The following GPAM variants were observed in gnomAD, a reference collection of about 807,000 sequenced individuals.
The protein encoded by GPAM is glycerol-3-phosphate acyltransferase 1, mitochondrial.
GPAM carries 56 observed loss-of-function variants against 105.0 expected under a neutral mutation model. That is an observed-to-expected ratio of 0.53 (90% confidence interval 0.43 to 0.67). The LOEUF is 0.67. Ranked by LOEUF, GPAM falls within the 30% of genes least tolerant of loss-of-function variation. The pLI is 0.00. For missense variants in GPAM, 855 were observed against 989.8 expected (o/e 0.86, Z 1.83); for synonymous variants, 368 against 354.4 (o/e 1.04, Z -0.43).
At position 112,183,204 on chromosome 10, in the gene GPAM, G is replaced by C. The variant is rs545468863; in HGVS notation, c.-127-313C>G. 2.0e-5 allele frequency among the ~76,000 whole-genome samples: 3 copies of C among 152,340 alleles called. No homozygotes were observed. The East Asian group carries it at 5.8e-4, about 29-fold the overall frequency. The stretch of plus-strand genomic sequence containing the variant: ...AGTTTTCCCATCTGGAAAATGGGCA[G>C]AATGATAGCTCTTAACCTCCTGGAT... On this transcript the variant is annotated intron_variant, in intron 1 of 21. Transcript: ENST00000348367.
At chr10:112,154,258 C>A in intron 21 of GPAM, 1 of 297,586 alleles carries the variant, frequency 3.4e-6, no homozygotes, top group Non-Finnish European at 6.3e-6. Context: ...ACCTGTAAGT[C>A]TAATGCACAT....
rs566552458 is a variant in GPAM at position 112,215,117 on chromosome 10, A to G, written n.210+51T>C. 2.0e-5 allele frequency: 3 copies of G among 152,146 alleles called. No homozygotes were observed. The East Asian group carries it at 5.8e-4, about 29-fold the overall frequency. The allele number at this position is 152,146 out of a possible 1,614,324, so 9.4% of individuals were successfully genotyped here. A position where few individuals can be genotyped will look rare whatever the true frequency, so the allele number is the denominator to read the frequency against. ...CTTCCTCGTCCTACCCCCGTGTCTC[A>G]TGTCATGACATCCTAAGAAATTACT... On this transcript the variant is annotated intron_variant and non_coding_transcript_variant, in intron 1 of 3. Transcript: ENST00000480130.
At chr10:112,177,853 T>C (rs1343173611) in intron 5 of GPAM, 131 bp downstream of exon 5, 1 of 624,692 alleles carries the variant, frequency 1.6e-6, no homozygotes, top group African/African-American at 1.9e-5. Context: ...TCAGATAATC[T>C]CTCTTGTGTC....
intron 1 of GPAM, among the ~76,000 whole-genome samples, chr10:112,190,771 C>T (rs1429209363): frequency 6.6e-6 from 1 of 152,122 alleles, no homozygotes; most frequent in East Asian, 1.9e-4. Flanking sequence ...TTTATGAAAT[C>T]ATACTTCAGA....
rs149509002 is a variant in GPAM at position 112,150,416 on chromosome 10, C to G, written c.*3134G>C. The G allele has an allele frequency of 8.1e-6, 8 of 985,768 alleles. No homozygotes were observed. The highest frequency in any genetic ancestry group is 9.6e-6 in the Non-Finnish European group (8 of 829,880). 61.1% of individuals were successfully genotyped at this position (985,768 alleles called of 1,614,324 possible). On this transcript the variant is annotated 3_prime_UTR_variant, in exon 22 of 22. Coordinates refer to ENST00000348367, the MANE Select transcript of GPAM (RefSeq NM_001244949.2). ...TTCTCTCTATCAAAGGAAAGAGCTC[C>G]GATCACCTACATTATAATTTTCTGT...
In GPAM at chr10:112,152,612, C is replaced by T. The variant is rs1023365217; in HGVS notation, c.*938G>A. ...CTGTGGCCAGAGAACTGTATTCTAACAGTCTGTCAGCTCAAGCTAATCAAG... is the reference window on the plus strand; with the variant it reads ...CTGTGGCCAGAGAACTGTATTCTAATAGTCTGTCAGCTCAAGCTAATCAAG... On this transcript the variant is annotated 3_prime_UTR_variant, in exon 22 of 22. Transcript: ENST00000348367. 51 of 985,422 alleles carry T rather than the reference C, an allele frequency of 5.2e-5. No individual in the cohort carries two copies. In the African/African-American group the frequency reaches 8.7e-4, roughly 17 times the overall value. 61.0% of individuals were successfully genotyped at this position (985,422 alleles called of 1,614,324 possible). A position where few individuals can be genotyped will look rare whatever the true frequency, so the allele number is the denominator to read the frequency against.
At chr10:112,163,989 T>C (rs1847170845) in intron 13 of GPAM, among the ~76,000 whole-genome samples, 173 bp from the exon 14 acceptor site, 1 of 152,218 alleles carries the variant, frequency 6.6e-6, no homozygotes, top group Non-Finnish European at 1.5e-5. Context: ...CATTATGGCC[T>C]GGCCAAAACA....
At chr10:112,184,019 C>T (rs1847559260), upstream of GPAM, among the ~76,000 whole-genome samples, 1 of 152,166 alleles carries the variant, frequency 6.6e-6, no homozygotes, top group South Asian at 2.1e-4. Flanking sequence ...TCAGCTTATC[C>T]GGGAGCTTGT....
intron 7 of GPAM, among the ~76,000 whole-genome samples, chr10:112,173,339 C>A (rs1033216726): frequency 2.0e-5 from 3 of 152,080 alleles, no homozygotes; most frequent in South Asian, 2.1e-4. Context: ...ACTGCAGAAG[C>A]AAATGACCAA....
At position 112,152,614 on chromosome 10, in the gene GPAM, GT is replaced by G; in HGVS notation, c.*935del. 1 of 985,370 alleles carries G rather than the reference GT, an allele frequency of 1.0e-6. No individual in the cohort carries two copies. Among genetic ancestry groups the G allele is most frequent in the Non-Finnish European group, 1.2e-6 (1 of 829,878 alleles). 61.0% of individuals were successfully genotyped at this position (985,370 alleles called of 1,614,324 possible). A position where few individuals can be genotyped will look rare whatever the true frequency, so the allele number is the denominator to read the frequency against. ...GTGGCCAGAGAACTGTATTCTAACA[GT>G]CTGTCAGCTCAAGCTAATCAAGTTA... On this transcript the variant is annotated 3_prime_UTR_variant, in exon 22 of 22. Coordinates refer to ENST00000348367, the MANE Select transcript of GPAM (RefSeq NM_001244949.2).
intron 10 of GPAM, 125 bp downstream of exon 10, chr10:112,168,728 C>T: frequency 5.1e-6 from 4 of 776,796 alleles, no homozygotes; most frequent in Non-Finnish European, 6.8e-6. Context: ...TTACCAAACT[C>T]AAGCAATAAT....
At chr10:112,158,279 A>T in intron 18 of GPAM, 37 bp downstream of exon 18, 1 of 1,154,970 alleles carries the variant, frequency 8.7e-7, no homozygotes, top group Admixed American at 1.7e-5. Flanking sequence ...ATGAAGAGTA[A>T]GTATAAAGAC....
In GPAM at chr10:112,160,619, T is replaced by C. The variant is rs751375609; in HGVS notation, c.1744A>G (p.Met582Val). 3.7e-6 allele frequency: 6 copies of C among 1,613,368 alleles called. No homozygotes were observed. The Admixed American group carries it at 8.3e-5, about 22-fold the overall frequency. ...YSNGVLHVFI[M>V]EAIIACSLYA... ...TCTGACATACCTATGATGGCCTCCA[T>C]GATAAAGACATGAAGTACCCCATTG... is the stretch of plus-strand genomic sequence containing the variant. The change falls in exon 16 of 22, where the codon ATG (methionine) becomes GTG (valine). Residue 582 changes from methionine (M) to valine (V), a missense_variant. Physicochemically the swap from Met to Val is conservative, Grantham distance 21 (BLOSUM62 1). Coordinates refer to ENST00000348367, the MANE Select transcript of GPAM (RefSeq NM_001244949.2).
Position 112,152,644 on chromosome 10 carries a change from A to G in GPAM, c.*906T>C, listed in dbSNP as rs970995784. The G allele has an allele frequency of 1.0e-6, 1 of 985,400 alleles. No individual in the cohort carries two copies. Among genetic ancestry groups the G allele is most frequent in the Non-Finnish European group, 1.2e-6 (1 of 829,880 alleles). 61.0% of individuals were successfully genotyped at this position (985,400 alleles called of 1,614,324 possible). ...TCAGCTCAAGCTAATCAAGTTAGGA[A>G]AACTGCTATTTGGTTGGAGGATTTC... is the stretch of plus-strand genomic sequence containing the variant. On this transcript the variant is annotated 3_prime_UTR_variant, in exon 22 of 22. Transcript: ENST00000348367.
At chr10:112,199,956 G>A (rs1178744623) in intron 1 of GPAM, among the ~76,000 whole-genome samples, 1 of 151,872 alleles carries the variant, frequency 6.6e-6, no homozygotes, top group African/African-American at 2.4e-5. Flanking sequence ...AACCATATAA[G>A]TATACATATC....
chr10:112,184,468 C>T (rs1445832994), upstream of GPAM, among the ~76,000 whole-genome samples: 1 of 152,126 alleles, frequency 6.6e-6, no homozygotes, highest in Non-Finnish European at 1.5e-5. Flanking sequence ...GTCATAACAT[C>T]GATTTGTACC....
chr10:112,200,244 T>TAGAGAGAG (rs59715102), intron 1 of GPAM, among the ~76,000 whole-genome samples: 65 of 123,558 alleles, frequency 5.3e-4, no homozygotes, highest in African/African-American at 1.8e-3. Context: ...TATATATATA[T>TAGAGAGAG]AGAGAGAGAG....
rs145248511 is a variant in GPAM, at chr10:112,165,593, C to T, written c.1221+809G>A. Among the ~76,000 whole-genome samples, 114 of 152,004 alleles carry T rather than the reference C, an allele frequency of 7.5e-4. 3 individuals are homozygous for T. The East Asian group carries it at 0.02, about 26-fold the overall frequency. On this transcript the variant is annotated intron_variant, in intron 12 of 21. Coordinates refer to ENST00000348367, the MANE Select transcript of GPAM (RefSeq NM_001244949.2). ...TAATCCCAGCTACTTAGGAGGCTGACGCAGGAGAATTGCTTGAACCTAGGG... is the reference window on the plus strand; with the variant it reads ...TAATCCCAGCTACTTAGGAGGCTGATGCAGGAGAATTGCTTGAACCTAGGG...
chr10:112,223,799 T>C, the GPAM span, among the ~76,000 whole-genome samples: 1 of 152,224 alleles, frequency 6.6e-6, no homozygotes, highest in Non-Finnish European at 1.5e-5. Context: ...AAGCTGCCAA[T>C]ATAAACAAAG....
Sources: gnomAD v4.1 joint callset for allele counts (sites outside exome capture counted in the v4.1 genomes callset) on GRCh38, gnomAD v4.1.1 for gene constraint, MANE v1.5 for transcripts, NCBI Gene and HGNC (gene_info 2026-07-23, HGNC 2026-07-21) for gene names.